The following ZNF431 variants were observed in gnomAD, a reference collection of about 807,000 sequenced individuals.
ZNF431 encodes zinc finger protein 431.
Under a neutral mutation model 57.0 loss-of-function variants are expected in ZNF431, and 34 were observed. The observed-to-expected ratio is 0.60, with a 90% confidence interval of 0.45 to 0.79. ZNF431 has a LOEUF of 0.79. Among genes scored for constraint, ZNF431 ranks in the 30% least tolerant of loss-of-function variants. The pLI, the probability that ZNF431 is intolerant of heterozygous loss-of-function variation, is 0.00. For synonymous variants in ZNF431, 207 were observed against 220.3 expected (o/e 0.94, Z 0.54); for missense variants, 607 against 667.1 (o/e 0.91, Z 0.99).
In ZNF431 at chr19:21,188,362, A is replaced by G. The variant is rs1027124970; in HGVS notation, c.*4328A>G. ...AAAAATCTTACTAGATTCTTATACA[A>G]AGTGTGGCAAATATAAAACTTGCTT... On this transcript the variant is annotated 3_prime_UTR_variant, in exon 5 of 5. Transcript: ENST00000311048. The G allele has an allele frequency of 4.6e-5, 7 of 152,170 alleles. No homozygotes were observed. The highest frequency in any genetic ancestry group is 1.0e-4 in the Non-Finnish European group (7 of 68,032). The allele number at this position is 152,170 out of a possible 1,614,324, so 9.4% of individuals were successfully genotyped here.
intron 2 of ZNF431, among the ~76,000 whole-genome samples, chr19:21,163,275 C>T (rs997314337): frequency 6.6e-6 from 1 of 152,172 alleles, no homozygotes; most frequent in Non-Finnish European, 1.5e-5. Context: ...TTTAAAGAGC[C>T]AGCAAAGAAT....
chr19:21,178,819 GT>G (rs759086330), intron 4 of ZNF431, among the ~76,000 whole-genome samples: 7 of 118,074 alleles, frequency 5.9e-5, no homozygotes, highest in South Asian at 5.7e-4. Context: ...GTGTGTGTGT[GT>G]TGTTGTTGTT....
chr19:21,152,705 TCTC>T (rs1276891320), intron 2 of ZNF431, among the ~76,000 whole-genome samples: 2 of 152,072 alleles, frequency 1.3e-5, no homozygotes, highest in African/African-American at 4.8e-5. Context: ...AGACTCTAAT[TCTC>T]CTAAGTTGTG....
rs1204723057 is a variant in ZNF431, at chr19:21,194,882, G to T, written c.*10848G>T. ...CCCACCAGAAACAAGAGGCAAGGCAGGCCCTGGGGGCCTCACAAAGGCGGT... is the reference window on the plus strand; with the variant it reads ...CCCACCAGAAACAAGAGGCAAGGCATGCCCTGGGGGCCTCACAAAGGCGGT... On this transcript the variant is annotated 3_prime_UTR_variant, in exon 5 of 5. Coordinates refer to ENST00000311048, the MANE Select transcript of ZNF431 (RefSeq NM_133473.4). 6.6e-6 allele frequency: 1 copy of T among 152,232 alleles called. No individual in the cohort carries two copies. Among genetic ancestry groups the T allele is most frequent in the Non-Finnish European group, 1.5e-5 (1 of 68,048 alleles). The allele number at this position is 152,232 out of a possible 1,614,324, so 9.4% of individuals were successfully genotyped here. A position where few individuals can be genotyped will look rare whatever the true frequency, so the allele number is the denominator to read the frequency against.
At position 21,183,468 on chromosome 19, in the gene ZNF431, A is replaced by T; in HGVS notation, c.1165A>T (p.Lys389Ter). 1 of 1,613,888 alleles carries T rather than the reference A, an allele frequency of 6.2e-7. No homozygotes were observed. Among genetic ancestry groups the T allele is most frequent in the South Asian group, 1.1e-5 (1 of 91,068 alleles). ...CTTTAATTGGTCCTCAACCCTTACT[A>T]AACATAAAAGAATTCATACTGGAGA... is the stretch of plus-strand genomic sequence containing the variant. ...KGFNWSSTLT[K>*]HKRIHTGEKP... The change falls in exon 5 of 5, where the codon AAA becomes TAA. Residue 389 changes from lysine to a stop codon, truncating the protein, a stop_gained. Coordinates refer to ENST00000311048, the MANE Select transcript of ZNF431 (RefSeq NM_133473.4). LOFTEE classifies it high-confidence loss of function.
rs143336698 is a variant in ZNF431, at chr19:21,167,485, A to G, written c.224-86A>G. 3,760 of 1,031,808 alleles carry G rather than the reference A, an allele frequency of 3.6e-3. 9 individuals carry two copies. Among genetic ancestry groups the G allele is most frequent in the Non-Finnish European group, 4.1e-3 (3,224 of 779,954 alleles). The allele number at this position is 1,031,808 out of a possible 1,614,324, so 63.9% of individuals were successfully genotyped here. On this transcript the variant is annotated intron_variant, in intron 3 of 4. Coordinates refer to ENST00000311048, the MANE Select transcript of ZNF431 (RefSeq NM_133473.4). ...TTGGATTAATTTTCTAAAATATTCTATCACATCCTTTTTACTGAGCACAGT... is the reference window on the plus strand; with the variant it reads ...TTGGATTAATTTTCTAAAATATTCTGTCACATCCTTTTTACTGAGCACAGT...
chr19:21,147,164 A>G (rs897491673), intron 2 of ZNF431, among the ~76,000 whole-genome samples: 4 of 152,226 alleles, frequency 2.6e-5, no homozygotes, highest in African/African-American at 7.2e-5. Flanking sequence ...TAATGTCACA[A>G]TTTCTAAAGT....
At chr19:21,146,786 A>AG (rs1970110494) in intron 2 of ZNF431, among the ~76,000 whole-genome samples, 1 of 152,134 alleles carries the variant, frequency 6.6e-6, no homozygotes, top group African/African-American at 2.4e-5. Flanking sequence ...TAGAATGCCT[A>AG]ACCATCCAGG....
rs754906172 is a variant in ZNF431, at chr19:21,183,839, C to G, written c.1536C>G (p.Tyr512Ter). Residue 512 changes from tyrosine to a stop codon, truncating the protein, a stop_gained, in exon 5 of 5, where the codon TAC (tyrosine) becomes TAG (stop). Transcript: ENST00000311048. LOFTEE classifies it high-confidence loss of function. ...HKIIHTGEKS[Y>*]KCEECGKAFN... is the part of the protein sequence containing the mutation. The stretch of plus-strand genomic sequence containing the variant: ...TAATTCATACAGGAGAGAAATCTTA[C>G]AAATGTGAAGAATGTGGTAAAGCCT... 1 of 1,613,892 alleles carries G rather than the reference C, an allele frequency of 6.2e-7. No individual in the cohort carries two copies. Among genetic ancestry groups the G allele is most frequent in the Non-Finnish European group, 8.5e-7 (1 of 1,179,876 alleles).
At chr19:21,151,359 T>C (rs936272095) in intron 2 of ZNF431, among the ~76,000 whole-genome samples, 1 of 152,198 alleles carries the variant, frequency 6.6e-6, no homozygotes, top group East Asian at 1.9e-4. Flanking sequence ...CAGTGATCAG[T>C]GCTCTTTTAA....
chr19:21,164,746 G>A (rs186783422), intron 2 of ZNF431, among the ~76,000 whole-genome samples: 1 of 152,066 alleles, frequency 6.6e-6, no homozygotes, highest in East Asian at 1.9e-4. Flanking sequence ...CTCTGCTTGT[G>A]TTTTTCCTCC....
intron 4 of ZNF431, among the ~76,000 whole-genome samples, chr19:21,170,637 CTTTCTTTTCT>C (rs568785872): frequency 1.3e-5 from 2 of 151,234 alleles, no homozygotes; most frequent in East Asian, 1.9e-4. Context: ...AACATAATTT[CTTTCTTTTCT>C]TTTCTTTTCT....
chr19:21,167,882 G>A (rs1369885638), intron 4 of ZNF431, among the ~76,000 whole-genome samples: 2 of 152,050 alleles, frequency 1.3e-5, no homozygotes, highest in Admixed American at 6.6e-5. Context: ...TTCCTTGGGG[G>A]ATCTTCCTTC....
chr19:21,174,002 A>G lies in ZNF431; in HGVS notation c.319+6336A>G, dbSNP rs368237792. Among the ~76,000 whole-genome samples, 371 of 148,684 alleles carry G rather than the reference A, an allele frequency of 2.5e-3. 2 individuals are homozygous for G. Among genetic ancestry groups the G allele is most frequent in the African/African-American group, 8.8e-3 (354 of 40,404 alleles). The stretch of plus-strand genomic sequence containing the variant: ...ACTCTCTCACCCAGGCTGGAGTGCA[A>G]TGGTGCAATCTCGACGCACTGCAAC... On this transcript the variant is annotated intron_variant, in intron 4 of 4. Coordinates refer to ENST00000311048, the MANE Select transcript of ZNF431 (RefSeq NM_133473.4).
chr19:21,171,725 T>A (rs1337749868), intron 4 of ZNF431, among the ~76,000 whole-genome samples: 2 of 141,850 alleles, frequency 1.4e-5, no homozygotes, highest in African/African-American at 2.6e-5. Context: ...TTTTTTTTTT[T>A]TTTTTTTTTT....
Position 21,189,660 on chromosome 19 carries a change from T to G in ZNF431, c.*5626T>G. On this transcript the variant is annotated 3_prime_UTR_variant, in exon 5 of 5. Transcript: ENST00000311048. ...TTATGTATTATTTCACAAACATGTT[T>G]CCAGCCTTCCATTTCTTATAAATAA... 2.9e-6 allele frequency: 1 copy of G among 344,402 alleles called. No individual in the cohort carries two copies. The highest frequency in any genetic ancestry group is 5.1e-6 in the Non-Finnish European group (1 of 195,242). 21.3% of individuals were successfully genotyped at this position (344,402 alleles called of 1,614,324 possible). A position where few individuals can be genotyped will look rare whatever the true frequency, so the allele number is the denominator to read the frequency against.
chr19:21,151,946 T>C (rs2144942247), intron 2 of ZNF431, among the ~76,000 whole-genome samples: 1 of 152,382 alleles, frequency 6.6e-6, no homozygotes, highest in African/African-American at 2.4e-5. Flanking sequence ...TTTGCCAGCA[T>C]GCCAGGCTTC....
chr19:21,149,991 C>A, intron 2 of ZNF431: 1 of 586,802 alleles, frequency 1.7e-6, no homozygotes, highest in Non-Finnish European at 3.2e-6. Context: ...ACCAGCTGAA[C>A]TTTCTTTTTC....
intron 4 of ZNF431, among the ~76,000 whole-genome samples, chr19:21,180,343 C>A (rs1031367167): frequency 3.3e-5 from 5 of 152,174 alleles, no homozygotes; most frequent in Non-Finnish European, 7.3e-5. Context: ...CTTAGTGCTT[C>A]TTTCAGGAGC....
Sources: allele counts gnomAD v4.1 joint callset (sites outside exome capture counted in the v4.1 genomes callset), GRCh38; gene constraint gnomAD v4.1.1; transcripts MANE v1.5; gene names NCBI Gene and HGNC (gene_info 2026-07-23, HGNC 2026-07-21).